The following RASSF9 variants were observed in gnomAD, a reference collection of about 807,000 sequenced individuals.
RASSF9 encodes ras association domain-containing protein 9.
Under a neutral mutation model 21.4 loss-of-function variants are expected in RASSF9, and 18 were observed. The observed-to-expected ratio is 0.84, with a 90% CI of 0.58 to 1.25. The LOEUF (loss-of-function observed/expected upper bound fraction) is 1.25, where lower values mean the gene tolerates loss of function less well. Among genes scored for constraint, RASSF9 ranks in the 50% most tolerant of loss-of-function variants. RASSF9 has a pLI of 0.00. For missense variants in RASSF9, 480 were observed against 503.2 expected, an observed-to-expected ratio of 0.95 and a Z score of 0.44; for synonymous variants, 183 against 179.1, an observed-to-expected ratio of 1.02 and a Z score of -0.18.
Position 85,800,949 on chromosome 12 carries a change from G to GTA in RASSF9, c.*3751_*3752dup, listed in dbSNP as rs1303881843. 1.3e-5 allele frequency: 2 copies of GTA among 151,766 alleles called. No individual in the cohort carries two copies. Among genetic ancestry groups the GTA allele is most frequent in the Non-Finnish European group, 2.9e-5 (2 of 67,906 alleles). 9.4% of individuals were successfully genotyped at this position (151,766 alleles called of 1,614,324 possible). A position where few individuals can be genotyped will look rare whatever the true frequency, so the allele number is the denominator to read the frequency against. ...CAGCCACAGAAATATATTTTGTCAT[G>GTA]TACAGTAGATATTTAAATAAATATA... On this transcript the variant is annotated 3_prime_UTR_variant, in exon 2 of 2. Coordinates refer to ENST00000361228, the MANE Select transcript of RASSF9 (RefSeq NM_005447.4).
At chr12:85,831,826 C>A (rs1311549629) in intron 1 of RASSF9, among the ~76,000 whole-genome samples, 1 of 151,918 alleles carries the variant, frequency 6.6e-6, no homozygotes, top group Non-Finnish European at 1.5e-5. Flanking sequence ...ATTCTTTCTT[C>A]CGATGAAGCA....
chr12:85,835,450 G>C (rs1489820250), intron 1 of RASSF9, among the ~76,000 whole-genome samples: 1 of 151,960 alleles, frequency 6.6e-6, no homozygotes, highest in Non-Finnish European at 1.5e-5. Context: ...TTATACTATG[G>C]GCATTTCAAG....
rs1243884852 is a variant in RASSF9, at chr12:85,802,418, A to G, written c.*2284T>C. On this transcript the variant is annotated 3_prime_UTR_variant, in exon 2 of 2. Transcript: ENST00000361228. ...ATGATTGTAGTGATCAAACGCACAA[A>G]TACATTTGTATAACTAATGAGCAAA... The G allele has an allele frequency of 6.6e-6, 1 of 152,214 alleles. No individual in the cohort carries two copies. Among genetic ancestry groups the G allele is most frequent in the Non-Finnish European group, 1.5e-5 (1 of 68,016 alleles). The allele number at this position is 152,214 out of a possible 1,614,324, so 9.4% of individuals were successfully genotyped here.
chr12:85,805,123 A>T lies in RASSF9; in HGVS notation c.887T>A (p.Ile296Asn), dbSNP rs760722876. 6.2e-7 allele frequency: 1 copy of T among 1,613,848 alleles called. No individual in the cohort carries two copies. Among genetic ancestry groups the T allele is most frequent in the Non-Finnish European group, 8.5e-7 (1 of 1,179,906 alleles). ...EIEKEVKSVC[I>N]DINEDAEGEA... ...CCCTTCCGCATCTTCATTTATATCA[A>T]TGCAAACACTTTTTACCTCTTTTTC... The change falls in exon 2 of 2, where the codon ATT becomes AAT. Residue 296 changes from isoleucine to asparagine, a missense_variant. By Grantham distance (149) the Ile-to-Asn change is moderately radical. Coordinates refer to ENST00000361228, the MANE Select transcript of RASSF9 (RefSeq NM_005447.4).
At chr12:85,809,728 C>T (rs1056083994) in intron 1 of RASSF9, among the ~76,000 whole-genome samples, 1 of 151,358 alleles carries the variant, frequency 6.6e-6, no homozygotes, top group East Asian at 1.9e-4. Context: ...TGACAATTCC[C>T]CAATACTCCC....
intron 1 of RASSF9, among the ~76,000 whole-genome samples, chr12:85,819,190 C>T (rs1880153930): frequency 6.6e-6 from 1 of 150,748 alleles, no homozygotes; most frequent in South Asian, 2.1e-4. Context: ...ACATACTAGG[C>T]AATTTTTACT....
rs571648142 is a variant in RASSF9, at chr12:85,828,794, T to C, written c.47+7361A>G. The stretch of plus-strand genomic sequence containing the variant: ...GTAATGTGCGTAGTTTCCTGCACTA[T>C]TAACAAAGATGAAACCTCAAAATTC... On this transcript the variant is annotated intron_variant, in intron 1 of 1. Coordinates refer to ENST00000361228, the MANE Select transcript of RASSF9 (RefSeq NM_005447.4). 2.6e-4 allele frequency among the ~76,000 whole-genome samples: 40 copies of C among 152,268 alleles called. 1 individual carries two copies. The highest frequency in any genetic ancestry group is 1.0e-3 in the South Asian group (5 of 4,824).
chr12:85,825,737 C>G (rs1315442480), intron 1 of RASSF9, among the ~76,000 whole-genome samples: 3 of 151,958 alleles, frequency 2.0e-5, no homozygotes. Context: ...CAAGTTTTCT[C>G]TGTACCATTC....
chr12:85,809,465 T>C (rs1879904097), intron 1 of RASSF9, among the ~76,000 whole-genome samples: 1 of 152,054 alleles, frequency 6.6e-6, no homozygotes, highest in African/African-American at 2.4e-5. Context: ...CTATAGTTGA[T>C]GCAGTAATAA....
chr12:85,833,963 T>C (rs934855851), intron 1 of RASSF9, among the ~76,000 whole-genome samples: 1 of 152,062 alleles, frequency 6.6e-6, no homozygotes, highest in African/African-American at 2.4e-5. Context: ...CAAATCATTA[T>C]GGAAACTGTA....
At position 85,801,549 on chromosome 12, in the gene RASSF9, A is replaced by C. The variant is rs902716096; in HGVS notation, c.*3153T>G. On this transcript the variant is annotated 3_prime_UTR_variant, in exon 2 of 2. Coordinates refer to ENST00000361228, the MANE Select transcript of RASSF9 (RefSeq NM_005447.4). ...ATTCATTGGTCGGGCACGGTGGCTC[A>C]CGCCTGTAATCCCAGCACTTTGGGA... 3 of 152,372 alleles carry C rather than the reference A, an allele frequency of 2.0e-5. No individual in the cohort carries two copies. The highest frequency in any genetic ancestry group is 1.9e-4 in the East Asian group (1 of 5,198). 9.4% of individuals were successfully genotyped at this position (152,372 alleles called of 1,614,324 possible). A position where few individuals can be genotyped will look rare whatever the true frequency, so the allele number is the denominator to read the frequency against.
intron 1 of RASSF9, among the ~76,000 whole-genome samples, chr12:85,806,958 T>C (rs894467987): frequency 1.3e-5 from 2 of 152,094 alleles, no homozygotes; most frequent in South Asian, 2.1e-4. Context: ...ACTAAGGATA[T>C]AGTAATAAAC....
chr12:85,817,531 A>C (rs1880101616), intron 1 of RASSF9, among the ~76,000 whole-genome samples: 1 of 152,040 alleles, frequency 6.6e-6, no homozygotes, highest in African/African-American at 2.4e-5. Context: ...TAAATGCTTA[A>C]ATGTACAATT....
chr12:85,823,199 CAAAA>C (rs1164958967), intron 1 of RASSF9, among the ~76,000 whole-genome samples: 1 of 93,042 alleles, frequency 1.1e-5, no homozygotes. Flanking sequence ...AACTCCGTCT[CAAAA>C]AAAAAAAAAA....
chr12:85,830,951 T>G (rs1442365129), intron 1 of RASSF9, among the ~76,000 whole-genome samples: 1 of 152,140 alleles, frequency 6.6e-6, no homozygotes, highest in Non-Finnish European at 1.5e-5. Flanking sequence ...TGTTTGGATG[T>G]CAAGAAATTA....
At chr12:85,835,686 TCAG>T (rs1880544781) in intron 1 of RASSF9, among the ~76,000 whole-genome samples, 1 of 152,200 alleles carries the variant, frequency 6.6e-6, no homozygotes, top group Non-Finnish European at 1.5e-5. Context: ...CTGAATTGTA[TCAG>T]CAGTTTTATT....
intron 1 of RASSF9, among the ~76,000 whole-genome samples, chr12:85,818,567 TAGA>T (rs1295784985): frequency 6.6e-6 from 1 of 152,244 alleles, no homozygotes; most frequent in Non-Finnish European, 1.5e-5. Flanking sequence ...ATTATCAATA[TAGA>T]AGCTTATCTA....
intron 1 of RASSF9, among the ~76,000 whole-genome samples, chr12:85,819,215 T>C (rs1184365777): frequency 6.6e-6 from 1 of 152,086 alleles, no homozygotes; most frequent in South Asian, 2.1e-4. Flanking sequence ...TAAGCATTTT[T>C]TTTTTTCTTT....
chr12:85,833,071 T>A (rs1880484169), intron 1 of RASSF9, among the ~76,000 whole-genome samples: 1 of 150,440 alleles, frequency 6.6e-6, no homozygotes, highest in East Asian at 1.9e-4. Context: ...TTTCCCAAAT[T>A]GTTGAACTAA....
Sources: gnomAD v4.1 joint callset for allele counts (sites outside exome capture counted in the v4.1 genomes callset) on GRCh38, gnomAD v4.1.1 for gene constraint, MANE v1.5 for transcripts, NCBI Gene and HGNC (gene_info 2026-07-23, HGNC 2026-07-21) for gene names.